Variants in GALNT14 observed in about 807,000 individuals in gnomAD.
GALNT14 encodes UDP-GalNAc:polypeptide N-acetylgalactosaminyltransferase 14.
Under a neutral mutation model 77.5 loss-of-function variants are expected in GALNT14, and 60 were observed. The observed-to-expected ratio is 0.77, with a 90% CI of 0.63 to 0.96. The LOEUF (loss-of-function observed/expected upper bound fraction) is 0.96. Ranked by LOEUF, GALNT14 falls within the 40% of genes least tolerant of loss-of-function variation. The pLI, the probability that GALNT14 is intolerant of heterozygous loss-of-function variation, is 0.00. For missense variants in GALNT14, 710 were observed against 731.0 expected, an observed-to-expected ratio of 0.97 and a Z score of 0.33; for synonymous variants, 280 against 281.7, an observed-to-expected ratio of 0.99 and a Z score of 0.06.
At chr2:31,123,181 C>CAAAAA (rs11397679) in intron 1 of GALNT14, among the ~76,000 whole-genome samples, 3 of 96,792 alleles carry the variant, frequency 3.1e-5, no homozygotes, top group East Asian at 3.0e-4. Flanking sequence ...GACTCCATCT[C>CAAAAA]AAAAAAAAAA....
At chr2:31,053,841 G>A (rs1397784678) in intron 1 of GALNT14, among the ~76,000 whole-genome samples, 26 of 152,178 alleles carry the variant, frequency 1.7e-4, no homozygotes. Context: ...TTCTTCTCAT[G>A]CTGGTTTTTA....
At chr2:30,895,499 GTTC>G in the GALNT14 span, among the ~76,000 whole-genome samples, 1 of 152,140 alleles carries the variant, frequency 6.6e-6, no homozygotes, top group Non-Finnish European at 1.5e-5. Flanking sequence ...TTAGTCCAGT[GTTC>G]TTCTCCAACC....
At chr2:30,982,137 T>C (rs1051649148) in intron 2 of GALNT14, among the ~76,000 whole-genome samples, 1 of 152,128 alleles carries the variant, frequency 6.6e-6, no homozygotes, top group African/African-American at 2.4e-5. Flanking sequence ...TGCCACTTCA[T>C]TGCAGCAGGG....
intron 1 of GALNT14, among the ~76,000 whole-genome samples, chr2:31,006,992 C>T (rs1260421338): frequency 6.6e-6 from 1 of 152,126 alleles, no homozygotes. Flanking sequence ...TACCCTCTAG[C>T]TCTCTCAAAA....
At chr2:30,989,630 A>AAAATATATATATTAGTATATATT in intron 2 of GALNT14, among the ~76,000 whole-genome samples, 1 of 140,254 alleles carries the variant, frequency 7.1e-6, no homozygotes, top group African/African-American at 2.7e-5. Context: ...TAGTATATAT[A>AAAATATATATATTAGTATATATT]AAAATATATA....
intron 3 of GALNT14, among the ~76,000 whole-genome samples, chr2:30,964,361 T>C (rs897350654): frequency 6.6e-6 from 1 of 152,184 alleles, no homozygotes; most frequent in African/African-American, 2.4e-5. Context: ...TCCACCTCCC[T>C]GTGTGTCCTC....
chr2:30,998,556 G>A (rs771413837), intron 1 of GALNT14, among the ~76,000 whole-genome samples: 1 of 152,218 alleles, frequency 6.6e-6, no homozygotes, highest in Non-Finnish European at 1.5e-5. Flanking sequence ...ATCCTGAAGA[G>A]AACGTCTCAA....
chr2:30,897,608 C>T, the GALNT14 span, among the ~76,000 whole-genome samples: 1 of 152,194 alleles, frequency 6.6e-6, no homozygotes, highest in Non-Finnish European at 1.5e-5. Context: ...TGCTGAGCCC[C>T]GCCTCCAGGT....
At chr2:31,126,876 T>C (rs1678731324) in intron 1 of GALNT14, 1 of 152,156 alleles carries the variant, frequency 6.6e-6, no homozygotes, top group East Asian at 1.9e-4. Context: ...TCTCTGTCTA[T>C]AAAAGGGAGT....
At chr2:31,009,830 T>TAACCCATCCCC (rs1670906147) in intron 1 of GALNT14, among the ~76,000 whole-genome samples, 1 of 152,150 alleles carries the variant, frequency 6.6e-6, no homozygotes, top group African/African-American at 2.4e-5. Flanking sequence ...CACACACAAC[T>TAACCCATCCCC]AACCCATCCC....
intron 1 of GALNT14, among the ~76,000 whole-genome samples, chr2:31,002,716 T>C (rs1670438895): frequency 6.6e-6 from 1 of 152,188 alleles, no homozygotes; most frequent in South Asian, 2.1e-4. Context: ...CATATCATAC[T>C]GCTAATATAA....
At position 31,130,306 on chromosome 2, in the gene GALNT14, C is replaced by A. The variant is rs1573391330; in HGVS notation, c.129+7652G>T. On this transcript the variant is annotated intron_variant, in intron 1 of 14. Transcript: ENST00000349752. ...CTTCAGGAAAGAACTAGCTTTGTGT[C>A]CAGAGCGGTGCTCTCAGAGGTGGCT... is the stretch of plus-strand genomic sequence containing the variant. Among the ~76,000 whole-genome samples, 5 of 152,258 alleles carry A rather than the reference C, an allele frequency of 3.3e-5. No homozygotes were observed. In the South Asian group the frequency reaches 8.3e-4, roughly 25 times the overall value.
intron 6 of GALNT14, among the ~76,000 whole-genome samples, chr2:30,948,417 G>A (rs1666833005): frequency 6.6e-6 from 1 of 152,226 alleles, no homozygotes; most frequent in Admixed American, 6.5e-5. Flanking sequence ...CTAACAATGT[G>A]GTTTATGGAG....
At chr2:30,945,614 A>T (rs115229312) in intron 7 of GALNT14, among the ~76,000 whole-genome samples, 169 bp downstream of exon 7, 4,761 of 152,298 alleles carry the variant, frequency 0.031, 109 homozygotes, top group Admixed American at 0.072. Flanking sequence ...TAGCCCTTCC[A>T]TCCACAGTCC....
At chr2:31,076,629 A>ATAT (rs1553373502) in intron 1 of GALNT14, among the ~76,000 whole-genome samples, 21 of 101,916 alleles carry the variant, frequency 2.1e-4, no homozygotes, top group Admixed American at 3.9e-4. Flanking sequence ...ATATATATAT[A>ATAT]TTTTTTTTTT....
chr2:30,905,346 CA>C, the GALNT14 span, among the ~76,000 whole-genome samples: 1 of 151,390 alleles, frequency 6.6e-6, no homozygotes, highest in Non-Finnish European at 1.5e-5. Flanking sequence ...CTAGAATAAC[CA>C]ATACAGAGAA....
At chr2:31,020,202 C>T (rs72791279) in intron 1 of GALNT14, among the ~76,000 whole-genome samples, 11,319 of 152,164 alleles carry the variant, frequency 0.074, 469 homozygotes, top group Middle Eastern at 0.13. Flanking sequence ...AGTGTTGGAT[C>T]ATTATCCAGG....
intron 1 of GALNT14, among the ~76,000 whole-genome samples, chr2:31,135,455 A>G (rs896467159): frequency 1.3e-5 from 2 of 152,148 alleles, no homozygotes; most frequent in African/African-American, 2.4e-5. Flanking sequence ...TCTCAGGTAC[A>G]TACACACTAA....
Position 30,910,755 on chromosome 2 carries a change from A to G in GALNT14, c.*146T>C. Reference sequence around the variant, plus strand: ...TGTTTTCCTCTGTCCTCCCTGAGACAGTTGCTCCTGTCCTGGGGGGCTCTG... The same window carrying G: ...TGTTTTCCTCTGTCCTCCCTGAGACGGTTGCTCCTGTCCTGGGGGGCTCTG... On this transcript the variant is annotated 3_prime_UTR_variant, in exon 15 of 15. Coordinates refer to ENST00000349752, the MANE Select transcript of GALNT14 (RefSeq NM_024572.4). 1.3e-6 allele frequency: 1 copy of G among 755,316 alleles called. No individual in the cohort carries two copies. The highest frequency in any genetic ancestry group is 2.7e-5 in the East Asian group (1 of 36,728). 46.8% of individuals were successfully genotyped at this position (755,316 alleles called of 1,614,324 possible).
Sources: gnomAD v4.1 joint callset for allele counts (sites outside exome capture counted in the v4.1 genomes callset) on GRCh38, gnomAD v4.1.1 for gene constraint, MANE v1.5 for transcripts, NCBI Gene and HGNC (gene_info 2026-07-23, HGNC 2026-07-21) for gene names.